The following CHD3 variants were observed in gnomAD, a reference collection of about 807,000 sequenced individuals.
CHD3 encodes chromodomain helicase DNA binding protein 3, also known as ATP-dependent chromatin remodeler CHD3.
CHD3 carries 52 observed loss-of-function variants against 248.9 expected under a neutral mutation model. The ratio of observed to expected loss-of-function variants is 0.21; its 90% CI spans 0.17 to 0.26. The LOEUF is 0.26. Ranked by LOEUF, CHD3 falls within the 10% of genes least tolerant of loss-of-function variation. The pLI is 1.00. For synonymous variants in CHD3, 985 were observed against 985.2 expected, an observed-to-expected ratio of 1.00 and a Z score of 0.00; for missense variants, 1,482 against 2,605.8, an observed-to-expected ratio of 0.57 and a Z score of 9.39.
chr17:7,901,067 G>C, intron 19 of CHD3, 74 bp downstream of exon 19: 1 of 1,561,386 alleles, frequency 6.4e-7, no homozygotes, highest in Non-Finnish European at 8.7e-7. Flanking sequence ...TGGGGAGGTG[G>C]GTATTGAGCC....
chr17:7,890,419 A>T, intron 2 of CHD3, 152 bp from the exon 3 acceptor site: 1 of 599,454 alleles, frequency 1.7e-6, no homozygotes, highest in Non-Finnish European at 2.8e-6. Context: ...ACAGAGCAAG[A>T]CTCCATCTCC....
In CHD3 at chr17:7,907,082, G is replaced by A. The variant is rs772830602; in HGVS notation, c.4667-44G>A. On this transcript the variant is annotated intron_variant, in intron 30 of 39. Coordinates refer to ENST00000330494, the MANE Select transcript of CHD3 (RefSeq NM_001005273.3). The surrounding 1 kb of genome is among the most constrained non-coding windows in gnomAD (Gnocchi z 4.3). ...GAGACAGAAAGGGAGCCAGGAGTCAGGGCGGGAGAATCTCTGTCTTTATCA... is the reference window on the plus strand; with the variant it reads ...GAGACAGAAAGGGAGCCAGGAGTCAAGGCGGGAGAATCTCTGTCTTTATCA... 1 of 1,613,998 alleles carries A rather than the reference G, an allele frequency of 6.2e-7. No homozygotes were observed. The highest frequency in any genetic ancestry group is 8.5e-7 in the Non-Finnish European group (1 of 1,179,894).
chr17:7,885,560 G>A (rs2151417759), upstream of CHD3, among the ~76,000 whole-genome samples: 1 of 151,806 alleles, frequency 6.6e-6, no homozygotes, highest in South Asian at 2.1e-4. Flanking sequence ...GGAGGGGCAC[G>A]TGGGGGAGGG....
chr17:7,893,728 A>AG, intron 5 of CHD3, 77 bp from the exon 6 acceptor site: 2 of 1,562,748 alleles, frequency 1.3e-6, no homozygotes, highest in South Asian at 2.4e-5. Context: ...AGGAATCCAG[A>AG]GGCCCCTGTG....
In CHD3 at chr17:7,906,216, C is replaced by T. The variant is rs367610195; in HGVS notation, c.4358+227C>T. The T allele has an allele frequency of 1.6e-4, 127 of 787,850 alleles. 1 individual carries two copies. The African/African-American group carries it at 1.7e-3, about 10-fold the overall frequency. 48.8% of individuals were successfully genotyped at this position (787,850 alleles called of 1,614,324 possible). A position where few individuals can be genotyped will look rare whatever the true frequency, so the allele number is the denominator to read the frequency against. On this transcript the variant is annotated intron_variant, in intron 28 of 39. Coordinates refer to ENST00000330494, the MANE Select transcript of CHD3 (RefSeq NM_001005273.3). This position sits in a 1 kb window ranked among gnomAD's most constrained non-coding sequence, Gnocchi z 5.0. ...CCAGGCATCCTCCCCAGGGGAGGGG[C>T]GTTGAAGCAAGGAGCCTCTCCTGGG... is the stretch of plus-strand genomic sequence containing the variant.
Position 7,895,009 on chromosome 17 carries a change from T to A in CHD3, c.1362T>A (p.Asp454Glu). ...EEEGEKEEED[D>E]HMEYCRVCKD... ...AAGGGGAGAAGGAGGAGGAGGATGA[T>A]CACATGGAGTACTGCCGCGTATGCA... The change falls in exon 9 of 40, where the codon GAT becomes GAA. Residue 454 changes from aspartate to glutamate, a missense_variant. Physicochemically the swap from Asp to Glu is conservative, Grantham distance 45. This residue lies in a region of CHD3 where 138 missense variants were observed against 241.1 expected (regional missense o/e 0.57). Coordinates refer to ENST00000330494, the MANE Select transcript of CHD3 (RefSeq NM_001005273.3). This position sits in a 1 kb window ranked among gnomAD's most constrained non-coding sequence, Gnocchi z 4.9. 1.2e-6 allele frequency: 2 copies of A among 1,614,046 alleles called. No individual in the cohort carries two copies.
chr17:7,904,673 G>A lies in CHD3; in HGVS notation c.4072+54G>A. 1 of 1,507,128 alleles carries A rather than the reference G, an allele frequency of 6.6e-7. No individual in the cohort carries two copies. Among genetic ancestry groups the A allele is most frequent in the Non-Finnish European group, 9.1e-7 (1 of 1,098,074 alleles). The allele number at this position is 1,507,128 out of a possible 1,614,324, so 93.4% of individuals were successfully genotyped here. ...AAGGGGGGAAGTGATGATGAGTAGG[G>A]ACTTGAAGGCTGGAGCTATTTAGAG... On this transcript the variant is annotated intron_variant, in intron 25 of 39. Coordinates refer to ENST00000330494, the MANE Select transcript of CHD3 (RefSeq NM_001005273.3). The surrounding 1 kb of genome is among the most constrained non-coding windows in gnomAD (Gnocchi z 4.4).
At position 7,908,170 on chromosome 17, in the gene CHD3, T is replaced by G; in HGVS notation, c.5152+151T>G. 1 of 1,074,690 alleles carries G rather than the reference T, an allele frequency of 9.3e-7. No individual in the cohort carries two copies. Among genetic ancestry groups the G allele is most frequent in the Non-Finnish European group, 1.3e-6 (1 of 749,832 alleles). 66.6% of individuals were successfully genotyped at this position (1,074,690 alleles called of 1,614,324 possible). A position where few individuals can be genotyped will look rare whatever the true frequency, so the allele number is the denominator to read the frequency against. Reference sequence around the variant, plus strand: ...TGCTGACTCCGATCCTTGCTCTAAATCTTTCTTAAGTATCCCTCTTAACTC... The same window carrying G: ...TGCTGACTCCGATCCTTGCTCTAAAGCTTTCTTAAGTATCCCTCTTAACTC... On this transcript the variant is annotated intron_variant, in intron 34 of 39. Transcript: ENST00000330494. This position sits in a 1 kb window ranked among gnomAD's most constrained non-coding sequence, Gnocchi z 5.8.
chr17:7,891,283 C>T (rs537018119), intron 4 of CHD3, among the ~76,000 whole-genome samples: 120 of 152,280 alleles, frequency 7.9e-4, no homozygotes, highest in African/African-American at 2.5e-3. Context: ...GTGGAGGGGC[C>T]ATCATGATTC....
Position 7,895,447 on chromosome 17 carries a change from C to A in CHD3, c.1612C>A (p.Pro538Thr). ...GGCAGATGGAAATCCAGATGTCCCA[C>A]CCCCCCGTCCTCTTCAAGGCAGATC... is the stretch of plus-strand genomic sequence containing the variant. Reference protein sequence around the residue: ...QQADGNPDVPPPRPLQGRSER... With the variant: ...QQADGNPDVPTPRPLQGRSER... The change falls in exon 10 of 40, where the codon CCC (proline) becomes ACC (threonine). Residue 538 changes from proline (P) to threonine (T), a missense_variant. This residue lies in a region of CHD3 where 24 missense variants were observed against 18.3 expected (regional missense o/e 1.31). Coordinates refer to ENST00000330494, the MANE Select transcript of CHD3 (RefSeq NM_001005273.3). The surrounding 1 kb of genome is among the most constrained non-coding windows in gnomAD (Gnocchi z 4.9). 1 of 1,613,648 alleles carries A rather than the reference C, an allele frequency of 6.2e-7. No homozygotes were observed. The highest frequency in any genetic ancestry group is 8.5e-7 in the Non-Finnish European group (1 of 1,179,636).
intron 7 of CHD3, 73 bp downstream of exon 7, chr17:7,894,338 C>G: frequency 4.4e-6 from 7 of 1,589,244 alleles, no homozygotes; most frequent in Non-Finnish European, 6.0e-6. Context: ...TTTGACTTCT[C>G]TCTTCAACCC....
intron 4 of CHD3, among the ~76,000 whole-genome samples, chr17:7,892,032 A>G (rs1034772461): frequency 2.6e-5 from 4 of 152,204 alleles, no homozygotes; most frequent in Admixed American, 6.5e-5. Flanking sequence ...TAAACGGGGA[A>G]TAATAATATA....
upstream of CHD3, among the ~76,000 whole-genome samples, chr17:7,888,025 C>T (rs1161076202): frequency 6.6e-6 from 1 of 152,242 alleles, no homozygotes; most frequent in Non-Finnish European, 1.5e-5. Flanking sequence ...TGAACCTTAG[C>T]CAGTTGGCCT....
Position 7,911,837 on chromosome 17 carries a change from C to A in CHD3, c.*252C>A. On this transcript the variant is annotated 3_prime_UTR_variant, in exon 40 of 40. Transcript: ENST00000330494. This position sits in a 1 kb window ranked among gnomAD's most constrained non-coding sequence, Gnocchi z 5.4. The stretch of plus-strand genomic sequence containing the variant: ...AGAAGTCTGGGTGGGAGATGGCTGG[C>A]AGGGTCTTCCAAGTACCTTCCTCCC... The A allele has an allele frequency of 9.0e-7, 1 of 1,114,638 alleles. No individual in the cohort carries two copies. Among genetic ancestry groups the A allele is most frequent in the Non-Finnish European group, 1.2e-6 (1 of 816,326 alleles). 69.0% of individuals were successfully genotyped at this position (1,114,638 alleles called of 1,614,324 possible). A position where few individuals can be genotyped will look rare whatever the true frequency, so the allele number is the denominator to read the frequency against.
rs1970693972 is a variant in CHD3 at position 7,904,645 on chromosome 17, G to A, written c.4072+26G>A. ...GTGAGGACTGCCCCAGATGCAGGCAGTAAAGGGGGGAAGTGATGATGAGTA... is the reference window on the plus strand; with the variant it reads ...GTGAGGACTGCCCCAGATGCAGGCAATAAAGGGGGGAAGTGATGATGAGTA... On this transcript the variant is annotated intron_variant, in intron 25 of 39. Coordinates refer to ENST00000330494, the MANE Select transcript of CHD3 (RefSeq NM_001005273.3). The surrounding 1 kb of genome is among the most constrained non-coding windows in gnomAD (Gnocchi z 4.4). 1.3e-6 allele frequency: 2 copies of A among 1,599,230 alleles called. No individual in the cohort carries two copies. Among genetic ancestry groups the A allele is most frequent in the African/African-American group, 2.7e-5 (2 of 74,436 alleles).
chr17:7,891,934 A>C (rs934006266), intron 4 of CHD3, among the ~76,000 whole-genome samples: 3 of 152,010 alleles, frequency 2.0e-5, no homozygotes, highest in African/African-American at 7.2e-5. Context: ...ATATCAGTTC[A>C]GTGCTCTGGA....
rs754994882 is a variant in CHD3, at chr17:7,902,919, C to G, written c.3371-18C>G. 9 of 1,613,562 alleles carry G rather than the reference C, an allele frequency of 5.6e-6. No individual in the cohort carries two copies. Among genetic ancestry groups the G allele is most frequent in the Non-Finnish European group, 7.6e-6 (9 of 1,179,786 alleles). On this transcript the variant is annotated intron_variant, in intron 21 of 39. Coordinates refer to ENST00000330494, the MANE Select transcript of CHD3 (RefSeq NM_001005273.3). ...CTACCGGGTACAAGAAAAACCTGAT[C>G]CAACTCTCACCTCCTAGCTCCTGGG...
chr17:7,905,498 G>C lies in CHD3; in HGVS notation c.4139-123G>C. The C allele has an allele frequency of 1.4e-6, 1 of 728,728 alleles. No homozygotes were observed. The highest frequency in any genetic ancestry group is 2.3e-6 in the Non-Finnish European group (1 of 441,990). The allele number at this position is 728,728 out of a possible 1,614,324, so 45.1% of individuals were successfully genotyped here. A position where few individuals can be genotyped will look rare whatever the true frequency, so the allele number is the denominator to read the frequency against. ...TTCTGAAGTGCTTGGGAGAGAATTG[G>C]GAGCACCTCAAACGTGACAGGAATG... On this transcript the variant is annotated intron_variant, in intron 26 of 39. Transcript: ENST00000330494. The surrounding 1 kb of genome is among the most constrained non-coding windows in gnomAD (Gnocchi z 5.8).
rs1432533672 is a variant in CHD3, at chr17:7,896,214, C to T, written c.1707+672C>T. ...CTGCACTTCAGCCTGGGCGACAGAG[C>T]GACACTCTATCTCAAAAAAAAAAAA... On this transcript the variant is annotated intron_variant, in intron 10 of 39. Transcript: ENST00000330494. Among the ~76,000 whole-genome samples, 16 of 119,588 alleles carry T rather than the reference C, an allele frequency of 1.3e-4. 1 individual carries two copies. Among genetic ancestry groups the T allele is most frequent in the Admixed American group, 2.7e-4 (3 of 10,912 alleles). 78.5% of individuals were successfully genotyped at this position (119,588 alleles called of 152,430 possible). A position where few individuals can be genotyped will look rare whatever the true frequency, so the allele number is the denominator to read the frequency against.
Sources: allele counts gnomAD v4.1 joint callset (sites outside exome capture counted in the v4.1 genomes callset), GRCh38; gene constraint gnomAD v4.1.1; regional missense constraint gnomAD v4.1.1; non-coding constraint Gnocchi (gnomAD v3.1); transcripts MANE v1.5; gene names NCBI Gene and HGNC (gene_info 2026-07-23, HGNC 2026-07-21).